Variants in IGSF23 observed in about 807,000 individuals in gnomAD.
The protein encoded by IGSF23 is immunoglobulin superfamily, member 23.
A neutral mutation model predicts 17.8 loss-of-function variants in IGSF23; 14 were observed. The observed-to-expected ratio is 0.79, with a 90% CI of 0.52 to 1.23. The LOEUF is 1.23. Among genes scored for constraint, IGSF23 ranks in the 50% most tolerant of loss-of-function variants. The probability of loss-of-function intolerance (pLI) is 0.00; values close to 1 mark genes in which losing one functional copy is unlikely to be tolerated. For synonymous variants in IGSF23, 85 were observed against 92.5 expected, an observed-to-expected ratio of 0.92 and a Z score of 0.46; for missense variants, 214 against 241.7, an observed-to-expected ratio of 0.89 and a Z score of 0.76.
chr19:44,615,610 C>G (rs1249701360), intron 1 of IGSF23, among the ~76,000 whole-genome samples: 1 of 147,478 alleles, frequency 6.8e-6, no homozygotes, highest in Non-Finnish European at 1.5e-5. Context: ...GCAACAAGAG[C>G]GAAACTCCAT....
At chr19:44,624,125 AC>A (rs1972584126) in intron 2 of IGSF23, among the ~76,000 whole-genome samples, 153 bp downstream of exon 2, 1 of 151,244 alleles carries the variant, frequency 6.6e-6, no homozygotes, top group South Asian at 2.1e-4. Context: ...TGTTCCATCC[AC>A]CTGGCGGACT....
At chr19:44,624,521 G>C (rs999367425) in intron 2 of IGSF23, among the ~76,000 whole-genome samples, 12 of 151,872 alleles carry the variant, frequency 7.9e-5, no homozygotes, top group Non-Finnish European at 1.2e-4. Context: ...CTGGGCTCGA[G>C]TGATCCACCC....
chr19:44,623,927 A>C lies in IGSF23; in HGVS notation c.346A>C (p.Ser116Arg). ...CACCTACATGTGCATAGCCACAAAC[A>C]GCAAGAAACAGCTGGTCTCTGAGCC... Reference protein sequence around the residue: ...LGTYMCIATNSKKQLVSEPVT... With the variant: ...LGTYMCIATNRKKQLVSEPVT... The change falls in exon 2 of 5, where the codon AGC (serine) becomes CGC (arginine). Residue 116 changes from serine (S) to arginine (R), a missense_variant. Coordinates refer to ENST00000402988, the MANE Select transcript of IGSF23 (RefSeq NM_001205280.2). 6.4e-7 allele frequency: 1 copy of C among 1,550,830 alleles called. No homozygotes were observed. The highest frequency in any genetic ancestry group is 2.4e-5 in the East Asian group (1 of 40,908).
chr19:44,618,981 TA>T (rs34199985), intron 1 of IGSF23, among the ~76,000 whole-genome samples: 62,620 of 145,056 alleles, frequency 0.43, 13,284 homozygotes, highest in East Asian at 0.68. Context: ...GTTATTTATT[TA>T]AAAAAAAAAA....
At chr19:44,628,803 G>A (rs555116034) in intron 3 of IGSF23, among the ~76,000 whole-genome samples, 3 of 152,224 alleles carry the variant, frequency 2.0e-5, no homozygotes, top group East Asian at 1.9e-4. Flanking sequence ...TTGGATGAGC[G>A]CTAAGGAGAG....
rs1165875257 is a variant in IGSF23, at chr19:44,627,417, C to T, written c.392-3C>T. 17 of 1,532,008 alleles carry T rather than the reference C, an allele frequency of 1.1e-5. No individual in the cohort carries two copies. The East Asian group carries it at 2.2e-4, about 20-fold the overall frequency. 94.9% of individuals were successfully genotyped at this position (1,532,008 alleles called of 1,614,324 possible). On this transcript the variant is annotated splice_polypyrimidine_tract_variant and splice_region_variant and intron_variant, in intron 2 of 4. Coordinates refer to ENST00000402988, the MANE Select transcript of IGSF23 (RefSeq NM_001205280.2). ...TCCAATCTCACCCCTCCTTGGTCCCCAGAACCCATCATGCAGCCCACAGAA... is the reference window on the plus strand; with the variant it reads ...TCCAATCTCACCCCTCCTTGGTCCCTAGAACCCATCATGCAGCCCACAGAA...
chr19:44,632,234 G>A, intron 3 of IGSF23: 1 of 236,274 alleles, frequency 4.2e-6, no homozygotes, highest in Non-Finnish European at 8.4e-6. Context: ...GTGTCATAGA[G>A]TGATTACATC....
intron 1 of IGSF23, among the ~76,000 whole-genome samples, chr19:44,617,844 C>T (rs185707546): frequency 3.4e-4 from 51 of 152,208 alleles, no homozygotes; most frequent in South Asian, 2.7e-3. Flanking sequence ...AAGCTTACTC[C>T]CCCGCTGCCC....
chr19:44,623,697 G>C lies in IGSF23; in HGVS notation c.126-10G>C. On this transcript the variant is annotated splice_polypyrimidine_tract_variant and intron_variant, in intron 1 of 4. Transcript: ENST00000402988. ...ACTCTTGTGGCCTTGTTCCCTGTTT[G>C]CACAGACAGCCTCCAACTAATGCCA... 6.4e-7 allele frequency: 1 copy of C among 1,550,750 alleles called. No homozygotes were observed. Among genetic ancestry groups the C allele is most frequent in the Non-Finnish European group, 8.7e-7 (1 of 1,146,888 alleles).
At chr19:44,634,775 T>C (rs1276703912) in intron 3 of IGSF23, among the ~76,000 whole-genome samples, 1 of 146,320 alleles carries the variant, frequency 6.8e-6, no homozygotes, top group African/African-American at 2.6e-5. Flanking sequence ...TACTCCAGCC[T>C]GGGCAACAGA....
intron 1 of IGSF23, among the ~76,000 whole-genome samples, chr19:44,619,826 G>A (rs965463452): frequency 2.6e-5 from 4 of 152,106 alleles, no homozygotes; most frequent in African/African-American, 4.8e-5. Context: ...TAATCACCTC[G>A]TTAAAGACCT....
chr19:44,627,660 T>G (rs1356729519), intron 3 of IGSF23, 87 bp downstream of exon 3: 8 of 1,399,606 alleles, frequency 5.7e-6, no homozygotes, highest in Non-Finnish European at 7.7e-6. Flanking sequence ...GAAACAGAGA[T>G]GAAACCAACA....
At chr19:44,626,794 T>TGCC (rs1194003576) in intron 2 of IGSF23, among the ~76,000 whole-genome samples, 1 of 151,962 alleles carries the variant, frequency 6.6e-6, no homozygotes, top group East Asian at 1.9e-4. Context: ...TGGTGGCATG[T>TGCC]GCCTGTAATC....
intron 3 of IGSF23, 121 bp downstream of exon 3, chr19:44,627,694 G>A (rs749393471): frequency 2.9e-5 from 32 of 1,115,600 alleles, no homozygotes; most frequent in Admixed American, 1.4e-4. Flanking sequence ...GGGTGATAGC[G>A]ACTCCTGAGG....
chr19:44,621,225 G>C (rs182102154), intron 1 of IGSF23, among the ~76,000 whole-genome samples: 1 of 148,454 alleles, frequency 6.7e-6, no homozygotes, highest in East Asian at 2.0e-4. Flanking sequence ...TGAGGCTGCA[G>C]TGAGCTGTAA....
At chr19:44,618,320 C>G (rs545741719) in intron 1 of IGSF23, 5 of 387,844 alleles carry the variant, frequency 1.3e-5, no homozygotes, top group African/African-American at 1.0e-4. Flanking sequence ...GCAGCCTGGT[C>G]ATTAGAAAAT....
intron 1 of IGSF23, chr19:44,613,978 G>A: frequency 1.3e-6 from 2 of 1,535,068 alleles, no homozygotes; most frequent in Non-Finnish European, 1.8e-6. Flanking sequence ...CCTGGAGGAA[G>A]CTGCTTTTAA....
At chr19:44,630,592 G>A (rs566870255) in intron 3 of IGSF23, among the ~76,000 whole-genome samples, 7 of 152,244 alleles carry the variant, frequency 4.6e-5, no homozygotes, top group African/African-American at 9.6e-5. Flanking sequence ...TGTCTTCCCC[G>A]CCCTTGTGGC....
At chr19:44,635,615 C>A (rs1568492625) in intron 4 of IGSF23, 150 bp downstream of exon 4, 3 of 554,998 alleles carry the variant, frequency 5.4e-6, no homozygotes, top group Non-Finnish European at 9.4e-6. Flanking sequence ...CCAGGAGCTG[C>A]TTTTCTCTTC....
Sources: gnomAD v4.1 joint callset for allele counts (sites outside exome capture counted in the v4.1 genomes callset) on GRCh38, gnomAD v4.1.1 for gene constraint, MANE v1.5 for transcripts, NCBI Gene and HGNC (gene_info 2026-07-23, HGNC 2026-07-21) for gene names.